Variants in NPAS1 observed in about 807,000 individuals in gnomAD.
The protein encoded by NPAS1 is neuronal PAS domain-containing protein 1.
A neutral mutation model predicts 49.2 loss-of-function variants in NPAS1; 29 were observed. The observed-to-expected ratio is 0.59, with a 90% CI of 0.44 to 0.80. NPAS1 has a LOEUF of 0.80. Ranked by LOEUF, NPAS1 falls within the 30% of genes least tolerant of loss-of-function variation. NPAS1 has a pLI of 0.00. For missense variants in NPAS1, 825 were observed against 835.5 expected (o/e 0.99, Z 0.15); for synonymous variants, 408 against 380.4 (o/e 1.07, Z -0.84).
At chr19:47,027,153 A>G (rs1041577641) in intron 3 of NPAS1, among the ~76,000 whole-genome samples, 7 of 152,152 alleles carry the variant, frequency 4.6e-5, no homozygotes, top group African/African-American at 1.7e-4. Flanking sequence ...CGGCGCTTTG[A>G]CGATGGGGCA....
At chr19:47,032,065 T>C (rs976422509) in intron 3 of NPAS1, among the ~76,000 whole-genome samples, 2 of 152,050 alleles carry the variant, frequency 1.3e-5, no homozygotes, top group Admixed American at 1.3e-4. Context: ...ATGCACCCCC[T>C]GGCCCGTCTG....
chr19:47,020,320 C>T (rs1381572142), intron 1 of NPAS1, among the ~76,000 whole-genome samples: 1 of 151,878 alleles, frequency 6.6e-6, no homozygotes, highest in Non-Finnish European at 1.5e-5. Context: ...CACCTGGGCC[C>T]CGAGTGTCGG....
intron 3 of NPAS1, among the ~76,000 whole-genome samples, chr19:47,027,619 C>A (rs111293776): frequency 2.6e-5 from 1 of 38,938 alleles, no homozygotes; most frequent in African/African-American, 1.4e-4. Flanking sequence ...CCTGGTCTCC[C>A]GTCTCTCTGC....
At chr19:47,044,756 A>AC (rs1242595413) in intron 11 of NPAS1, among the ~76,000 whole-genome samples, 1 of 152,178 alleles carries the variant, frequency 6.6e-6, no homozygotes, top group African/African-American at 2.4e-5. Context: ...CTGGCCGGGC[A>AC]CAGTGGCTCA....
intron 6 of NPAS1, 91 bp downstream of exon 6, chr19:47,036,220 T>C (rs2056954236): frequency 7.5e-7 from 1 of 1,326,730 alleles, no homozygotes; most frequent in South Asian, 1.3e-5. Flanking sequence ...TTTATACAAA[T>C]AGCAGTGAAG....
intron 3 of NPAS1, among the ~76,000 whole-genome samples, chr19:47,023,151 G>T (rs542574266): frequency 6.6e-6 from 1 of 152,232 alleles, no homozygotes; most frequent in Admixed American, 6.5e-5. Context: ...CGGTAATTAG[G>T]CGAATTGACT....
intron 10 of NPAS1, 140 bp from the exon 11 acceptor site, chr19:47,042,670 A>G: frequency 1.7e-6 from 1 of 589,690 alleles, no homozygotes; most frequent in South Asian, 2.5e-5. Flanking sequence ...TCTGGTGTTG[A>G]GCCTTGTAAG....
At position 47,032,740 on chromosome 19, in the gene NPAS1, ACCCCCAGTGG is replaced by A; in HGVS notation, c.522+9_522+18del. 6.2e-7 allele frequency: 1 copy of A among 1,605,974 alleles called. No homozygotes were observed. Among genetic ancestry groups the A allele is most frequent in the Non-Finnish European group, 8.5e-7 (1 of 1,173,156 alleles). On this transcript the variant is annotated intron_variant, in intron 5 of 11. Transcript: ENST00000602212. ...TATCTGGGTCTCTCACAGGTAAGGG[ACCCCCAGTGG>A]ACCTGGATTGGCTCAGCCACCATCT...
Position 47,021,626 on chromosome 19 carries a change from G to T in NPAS1, c.137G>T (p.Arg46Leu), listed in dbSNP as rs1236090300. The part of the protein sequence containing the change: ...APSGPCLQAQ[R>L]KEKSRNAARS... ...CGCCCGCCCAGCCTGCAGGCGCAGCGCAAGGAGAAGTCCCGGAACGCGGCG... is the reference window on the plus strand; with the variant it reads ...CGCCCGCCCAGCCTGCAGGCGCAGCTCAAGGAGAAGTCCCGGAACGCGGCG... The change falls in exon 3 of 12, where the codon CGC (arginine) becomes CTC (leucine). Residue 46 changes from arginine to leucine, a missense_variant. Arg to Leu is a moderately radical substitution (Grantham distance 102). Coordinates refer to ENST00000602212, the MANE Select transcript of NPAS1 (RefSeq NM_002517.4). The surrounding 1 kb of genome is among the most constrained non-coding windows in gnomAD (Gnocchi z 5.7). 1.3e-6 allele frequency: 2 copies of T among 1,526,826 alleles called. No individual in the cohort carries two copies. The highest frequency in any genetic ancestry group is 1.2e-5 in the South Asian group (1 of 82,044). The allele number at this position is 1,526,826 out of a possible 1,614,324, so 94.6% of individuals were successfully genotyped here.
chr19:47,041,136 T>C lies in NPAS1; in HGVS notation c.1217+11T>C. The C allele has an allele frequency of 6.4e-7, 1 of 1,563,060 alleles. No homozygotes were observed. Among genetic ancestry groups the C allele is most frequent in the Non-Finnish European group, 8.6e-7 (1 of 1,161,662 alleles). ...CAGCCACGTGCTCAGGTGAGGGCTGTGCCCACCCCTCCTGCAGGGCACTCA... is the reference window on the plus strand; with the variant it reads ...CAGCCACGTGCTCAGGTGAGGGCTGCGCCCACCCCTCCTGCAGGGCACTCA... On this transcript the variant is annotated intron_variant, in intron 10 of 11. Coordinates refer to ENST00000602212, the MANE Select transcript of NPAS1 (RefSeq NM_002517.4).
chr19:47,040,933 G>A, intron 9 of NPAS1, 45 bp from the exon 10 acceptor site: 1 of 1,417,420 alleles, frequency 7.1e-7, no homozygotes. Flanking sequence ...TCTTGCCCCT[G>A]TCCCCACCCC....
In NPAS1 at chr19:47,040,541, C is replaced by T; in HGVS notation, c.1060C>T (p.His354Tyr). The T allele has an allele frequency of 6.3e-7, 1 of 1,584,188 alleles. No homozygotes were observed. ...GQDATRIRQS[H>Y]VDLLDKGQVM... is the part of the protein sequence containing the mutation. ...GGACGCCACGAGGATCCGCCAGAGC[C>T]ACGTGGACTGTGAGACCCACCTCCA... The change falls in exon 9 of 12, where the codon CAC becomes TAC. Residue 354 changes from histidine (H) to tyrosine (Y), a missense_variant. Coordinates refer to ENST00000602212, the MANE Select transcript of NPAS1 (RefSeq NM_002517.4).
In NPAS1 at chr19:47,019,859, G is replaced by T; in HGVS notation, c.-181G>T. On this transcript the variant is annotated 5_prime_UTR_variant, in exon 1 of 12. Transcript: ENST00000602212. The stretch of plus-strand genomic sequence containing the variant: ...GAGGCCGAGGTGGGCGCCGAGAGCT[G>T]GGCGCCACAGCCCGCGCGTCCCGCT... The T allele has an allele frequency of 3.1e-6, 1 of 322,424 alleles. No homozygotes were observed. The highest frequency in any genetic ancestry group is 5.6e-6 in the Non-Finnish European group (1 of 177,342). The allele number at this position is 322,424 out of a possible 1,614,324, so 20.0% of individuals were successfully genotyped here. A position where few individuals can be genotyped will look rare whatever the true frequency, so the allele number is the denominator to read the frequency against.
In NPAS1 at chr19:47,021,644, A is replaced by ACGCGGCGCGCT. The variant is rs1369284197; in HGVS notation, c.165_175dup (p.Gly59AlafsTer56). ...GCGCAGCGCAAGGAGAAGTCCCGGA[A>ACGCGGCGCGCT]CGCGGCGCGCTCGCGGCGCGGGAAG... is the stretch of plus-strand genomic sequence containing the variant. On this transcript the variant is annotated frameshift_variant, in exon 3 of 12. Transcript: ENST00000602212. LOFTEE classifies it high-confidence loss of function. This position sits in a 1 kb window ranked among gnomAD's most constrained non-coding sequence, Gnocchi z 5.7. The ACGCGGCGCGCT allele has an allele frequency of 1.3e-6, 2 of 1,550,286 alleles. No individual in the cohort carries two copies. Among genetic ancestry groups the ACGCGGCGCGCT allele is most frequent in the Admixed American group, 1.9e-5 (1 of 53,580 alleles).
chr19:47,021,814 G>C lies in NPAS1; in HGVS notation c.325G>C (p.Gly109Arg). 1 of 1,521,858 alleles carries C rather than the reference G, an allele frequency of 6.6e-7. No individual in the cohort carries two copies. The highest frequency in any genetic ancestry group is 8.8e-7 in the Non-Finnish European group (1 of 1,137,346). The allele number at this position is 1,521,858 out of a possible 1,614,324, so 94.3% of individuals were successfully genotyped here. A position where few individuals can be genotyped will look rare whatever the true frequency, so the allele number is the denominator to read the frequency against. ...CGCCGCGCTGGGGGCGCCGCCCTGGGGGCTGAGAGCCGCGGGGCCGCCAGC... is the reference window on the plus strand; with the variant it reads ...CGCCGCGCTGGGGGCGCCGCCCTGGCGGCTGAGAGCCGCGGGGCCGCCAGC... ...RFAALGAPPW[G>R]LRAAGPPAGL... Residue 109 changes from glycine (G) to arginine (R), a missense_variant, in exon 3 of 12, where the codon GGG becomes CGG. By Grantham distance (125) the Gly-to-Arg change is moderately radical. Transcript: ENST00000602212. The surrounding 1 kb of genome is among the most constrained non-coding windows in gnomAD (Gnocchi z 5.7).
At chr19:47,045,096 C>T (rs2057061831) in intron 11 of NPAS1, 95 bp from the exon 12 acceptor site, 2 of 1,190,314 alleles carry the variant, frequency 1.7e-6, no homozygotes, top group Non-Finnish European at 2.4e-6. Context: ...CAGCTGAGAA[C>T]TACAGGTCTG....
chr19:47,024,110 T>A (rs923642089), intron 3 of NPAS1, among the ~76,000 whole-genome samples: 1 of 151,348 alleles, frequency 6.6e-6, no homozygotes, highest in South Asian at 2.1e-4. Flanking sequence ...TCTCAAAAAA[T>A]ATATAAAAAT....
rs776425196 is a variant in NPAS1, at chr19:47,039,633, CAGAG to C, written c.962+70_962+73del. The C allele has an allele frequency of 8.9e-5, 131 of 1,479,180 alleles. 3 individuals are homozygous for C. Among genetic ancestry groups the C allele is most frequent in the East Asian group, 5.1e-4 (22 of 42,850 alleles). 91.6% of individuals were successfully genotyped at this position (1,479,180 alleles called of 1,614,324 possible). A position where few individuals can be genotyped will look rare whatever the true frequency, so the allele number is the denominator to read the frequency against. ...GGAGATCTGGGGGTACATGGGGAGT[CAGAG>C]GGAGTGCTGGGTCTGCAGGATAGGG... is the stretch of plus-strand genomic sequence containing the variant. On this transcript the variant is annotated intron_variant, in intron 8 of 11. Coordinates refer to ENST00000602212, the MANE Select transcript of NPAS1 (RefSeq NM_002517.4).
chr19:47,036,572 T>C (rs2056958596), intron 6 of NPAS1, among the ~76,000 whole-genome samples: 2 of 151,780 alleles, frequency 1.3e-5, no homozygotes, highest in African/African-American at 4.8e-5. Context: ...ACCTCATCTC[T>C]ACAAAAATTA....
Sources: allele counts gnomAD v4.1 joint callset (sites outside exome capture counted in the v4.1 genomes callset), GRCh38; gene constraint gnomAD v4.1.1; non-coding constraint Gnocchi (gnomAD v3.1); transcripts MANE v1.5; gene names NCBI Gene and HGNC (gene_info 2026-07-23, HGNC 2026-07-21).